The following ADK variants were observed in gnomAD, a reference collection of about 807,000 sequenced individuals.
ADK encodes the protein adenosine kinase, also known as N6,N6-dimethyladenosine kinase.
In ADK, 24 loss-of-function variants were observed where a neutral mutation model predicts 44.7. The observed-to-expected ratio is 0.54, with a 90% CI of 0.39 to 0.76. The LOEUF (loss-of-function observed/expected upper bound fraction) is 0.76. Ranked by LOEUF, ADK falls within the 30% of genes least tolerant of loss-of-function variation. The probability of loss-of-function intolerance (pLI) is 0.00; values close to 1 mark genes in which losing one functional copy is unlikely to be tolerated. For synonymous variants in ADK, 128 were observed against 142.6 expected, an observed-to-expected ratio of 0.90 and a Z score of 0.73; for missense variants, 321 against 425.1, an observed-to-expected ratio of 0.76 and a Z score of 2.15.
intron 6 of ADK, among the ~76,000 whole-genome samples, chr10:74,491,396 C>T (rs1847477938): frequency 6.6e-6 from 1 of 152,162 alleles, no homozygotes; most frequent in Non-Finnish European, 1.5e-5. Flanking sequence ...GGATATGTCA[C>T]TATGTTCGGC....
chr10:74,364,953 T>G (rs964108743), intron 4 of ADK, among the ~76,000 whole-genome samples: 5 of 152,138 alleles, frequency 3.3e-5, no homozygotes, highest in Non-Finnish European at 7.4e-5. Flanking sequence ...AATTTTCCTC[T>G]GTTCTCCGTA....
intron 9 of ADK, among the ~76,000 whole-genome samples, chr10:74,617,099 T>C (rs1852794163): frequency 6.6e-6 from 1 of 152,250 alleles, no homozygotes; most frequent in African/African-American, 2.4e-5. Context: ...TCTATGCATA[T>C]AATTATACCA....
chr10:74,177,024 G>T (rs1185736703), intron 1 of ADK: 19 of 1,256,596 alleles, frequency 1.5e-5, no homozygotes, highest in Admixed American at 1.2e-4. Flanking sequence ...GGTTCCCTCC[G>T]CACTTTTCAT....
intron 10 of ADK, among the ~76,000 whole-genome samples, chr10:74,681,534 T>C (rs182139699): frequency 2.1e-4 from 32 of 152,248 alleles, no homozygotes; most frequent in Admixed American, 3.3e-4. Context: ...GTTACTTGTG[T>C]TCATAATCCA....
intron 6 of ADK, among the ~76,000 whole-genome samples, chr10:74,432,138 G>A (rs1845022818): frequency 6.6e-6 from 1 of 151,668 alleles, no homozygotes; most frequent in Non-Finnish European, 1.5e-5. Flanking sequence ...AGCCTGCAGT[G>A]ATCCATGGTT....
intron 3 of ADK, among the ~76,000 whole-genome samples, chr10:74,248,245 A>G (rs1217543454): frequency 6.6e-6 from 1 of 152,216 alleles, no homozygotes; most frequent in African/African-American, 2.4e-5. Context: ...CTTGTTTGGA[A>G]GTAGTGAGTT....
intron 6 of ADK, among the ~76,000 whole-genome samples, chr10:74,511,047 A>T (rs974527180): frequency 6.6e-6 from 1 of 152,122 alleles, no homozygotes; most frequent in African/African-American, 2.4e-5. Context: ...ATGCAGTGAG[A>T]GGTAGAAGTG....
At chr10:74,442,397 G>C (rs1845448960) in intron 6 of ADK, among the ~76,000 whole-genome samples, 1 of 152,186 alleles carries the variant, frequency 6.6e-6, no homozygotes. Flanking sequence ...CGTAATCCCA[G>C]CACTGTGGAA....
intron 4 of ADK, among the ~76,000 whole-genome samples, chr10:74,359,914 T>C (rs1396228327): frequency 6.6e-6 from 1 of 152,132 alleles, no homozygotes; most frequent in East Asian, 1.9e-4. Context: ...TGTAAATGGT[T>C]TGCTTTCTTG....
chr10:74,224,557 G>T lies in ADK; in HGVS notation c.160G>T (p.Asp54Tyr). Reference protein sequence around the residue: ...FLDKYSLKPNDQILAEDKHKE... With the variant: ...FLDKYSLKPNYQILAEDKHKE... ...ATACAGGTATTCTCTGAAACCAAATGACCAAATCTTGGCTGAAGACAAACA... is the reference window on the plus strand; with the variant it reads ...ATACAGGTATTCTCTGAAACCAAATTACCAAATCTTGGCTGAAGACAAACA... Residue 54 changes from aspartate (D) to tyrosine (Y), a missense_variant, in exon 3 of 11, where the codon GAC becomes TAC. Asp to Tyr is a radical substitution (Grantham distance 160). Coordinates refer to ENST00000539909, the MANE Select transcript of ADK (RefSeq NM_006721.4). 6.2e-7 allele frequency: 1 copy of T among 1,613,642 alleles called. No individual in the cohort carries two copies. Among genetic ancestry groups the T allele is most frequent in the South Asian group, 1.1e-5 (1 of 91,008 alleles).
At chr10:74,667,283 G>C (rs1854994351) in intron 9 of ADK, among the ~76,000 whole-genome samples, 1 of 152,032 alleles carries the variant, frequency 6.6e-6, no homozygotes, top group Admixed American at 6.6e-5. Flanking sequence ...AGAAAATAAT[G>C]AAAACTGAGT....
At chr10:74,316,613 T>C (rs1346038140) in intron 4 of ADK, among the ~76,000 whole-genome samples, 4 of 152,198 alleles carry the variant, frequency 2.6e-5, no homozygotes, top group Non-Finnish European at 5.9e-5. Flanking sequence ...TGATTATAAG[T>C]TTTCAGAGGC....
At chr10:74,454,720 A>G (rs1288175946) in intron 6 of ADK, among the ~76,000 whole-genome samples, 2 of 152,232 alleles carry the variant, frequency 1.3e-5, no homozygotes, top group Non-Finnish European at 2.9e-5. Context: ...TCATAAGGAA[A>G]TGAAGACCCA....
At chr10:74,696,100 A>C (rs1294418531) in intron 10 of ADK, among the ~76,000 whole-genome samples, 1 of 152,034 alleles carries the variant, frequency 6.6e-6, no homozygotes, top group Non-Finnish European at 1.5e-5. Context: ...AGCTCAACAC[A>C]ACCTCCACCT....
intron 6 of ADK, chr10:74,506,612 G>A (rs1450472693): frequency 6.6e-6 from 1 of 152,422 alleles, no homozygotes; most frequent in Admixed American, 6.5e-5. Context: ...GCAACAGGTG[G>A]TAGTTACAAC....
chr10:74,616,387 T>TTA (rs762449717), intron 9 of ADK, among the ~76,000 whole-genome samples: 24 of 151,568 alleles, frequency 1.6e-4, no homozygotes, highest in South Asian at 2.1e-4. Context: ...TAAGATTAAT[T>TTA]TATATATATA....
chr10:74,589,442 A>C (rs1851642839), intron 8 of ADK, 125 bp downstream of exon 8: 8 of 995,888 alleles, frequency 8.0e-6, no homozygotes, highest in Non-Finnish European at 1.1e-5. Flanking sequence ...GTTGCCATGG[A>C]AACTTGGCAG....
intron 1 of ADK, among the ~76,000 whole-genome samples, chr10:74,161,810 A>G (rs756019077): frequency 6.6e-6 from 1 of 151,666 alleles, no homozygotes; most frequent in Non-Finnish European, 1.5e-5. Flanking sequence ...GGCTCAAGCG[A>G]TCCTCCTATC....
chr10:74,302,854 T>TA (rs5786143), intron 3 of ADK, among the ~76,000 whole-genome samples: 108,831 of 150,888 alleles, frequency 0.72, 39,827 homozygotes, highest in Middle Eastern at 0.86. Flanking sequence ...AGTTTTTGTT[T>TA]AAAAAAAAAC....
Sources: allele counts gnomAD v4.1 joint callset (sites outside exome capture counted in the v4.1 genomes callset), GRCh38; gene constraint gnomAD v4.1.1; transcripts MANE v1.5; gene names NCBI Gene and HGNC (gene_info 2026-07-23, HGNC 2026-07-21).